ZC3H12D: variants seen among roughly 807,000 people sequenced by gnomAD.
The protein encoded by ZC3H12D is probable ribonuclease ZC3H12D.
In ZC3H12D, 11 loss-of-function variants were observed where a neutral mutation model predicts 24.2. The ratio of observed to expected loss-of-function variants is 0.46; its 90% CI spans 0.29 to 0.75. The LOEUF (loss-of-function observed/expected upper bound fraction) is 0.75, where lower values mean the gene tolerates loss of function less well. Ranked by LOEUF, ZC3H12D falls within the 30% of genes least tolerant of loss-of-function variation. The probability of loss-of-function intolerance (pLI) is 0.11; values close to 1 mark genes in which losing one functional copy is unlikely to be tolerated. For synonymous variants in ZC3H12D, 333 were observed against 341.8 expected, an observed-to-expected ratio of 0.97 and a Z score of 0.28; for missense variants, 740 against 767.7, an observed-to-expected ratio of 0.96 and a Z score of 0.43.
intron 2 of ZC3H12D, among the ~76,000 whole-genome samples, chr6:149,470,591 C>A (rs938124790): frequency 6.6e-6 from 1 of 151,854 alleles, no homozygotes; most frequent in African/African-American, 2.4e-5. Context: ...TGTAAAATAA[C>A]CACCTTGAAT....
chr6:149,465,686 T>C (rs385657), intron 2 of ZC3H12D, among the ~76,000 whole-genome samples: 54,768 of 145,266 alleles, frequency 0.38, 10,513 homozygotes, highest in African/African-American at 0.47. Context: ...ACCTGGGAGG[T>C]GGAGGTCACA....
intron 1 of ZC3H12D, chr6:149,483,238 A>G (rs1583195334): frequency 6.6e-6 from 1 of 152,164 alleles, no homozygotes; most frequent in East Asian, 1.9e-4. Flanking sequence ...AGAGGCAAAG[A>G]CGGTAGTTCA....
At chr6:149,482,459 T>A (rs1776442022) in intron 1 of ZC3H12D, among the ~76,000 whole-genome samples, 1 of 152,084 alleles carries the variant, frequency 6.6e-6, no homozygotes, top group East Asian at 1.9e-4. Flanking sequence ...CGACAACACT[T>A]AGAAAATCCT....
chr6:149,470,599 A>T (rs940404136), intron 2 of ZC3H12D, among the ~76,000 whole-genome samples: 4 of 152,192 alleles, frequency 2.6e-5, no homozygotes, highest in Admixed American at 6.5e-5. Context: ...AACCACCTTG[A>T]ATCCTCACCC....
intron 3 of ZC3H12D, among the ~76,000 whole-genome samples, chr6:149,457,155 G>A (rs558135350): frequency 6.6e-6 from 1 of 152,348 alleles, no homozygotes; most frequent in East Asian, 1.9e-4. Context: ...TCCAGAAAGC[G>A]ATACTCTACA....
chr6:149,478,718 A>C (rs1181324325), intron 1 of ZC3H12D, among the ~76,000 whole-genome samples: 1 of 152,122 alleles, frequency 6.6e-6, no homozygotes, highest in Non-Finnish European at 1.5e-5. Flanking sequence ...GCCCCAGTAC[A>C]GAACATCCAG....
At position 149,451,049 on chromosome 6, in the gene ZC3H12D, C is replaced by A. The variant is rs776487964; in HGVS notation, c.1218G>T (p.Pro406=). The A allele has an allele frequency of 1.4e-6, 2 of 1,418,170 alleles. No homozygotes were observed. Among genetic ancestry groups the A allele is most frequent in the South Asian group, 1.6e-5 (1 of 64,126 alleles). 87.8% of individuals were successfully genotyped at this position (1,418,170 alleles called of 1,614,324 possible). A position where few individuals can be genotyped will look rare whatever the true frequency, so the allele number is the denominator to read the frequency against. The change falls in exon 6 of 6, where the codon CCG becomes CCT. Residue 406 remains proline, a synonymous_variant. Transcript: ENST00000409806. ...SQFSPGDLPP[P]PGLQLQPRGE... ...CCCGCGGCTGGAGCTGCAGGCCGGG[C>A]GGAGGCGGGAGGTCGCCCGGGGAGA...
chr6:149,458,634 G>A (rs1462012383), intron 3 of ZC3H12D, among the ~76,000 whole-genome samples: 1 of 152,204 alleles, frequency 6.6e-6, no homozygotes. Context: ...ATCTCCAAGA[G>A]TGAATATGGC....
At chr6:149,459,384 C>T in intron 3 of ZC3H12D, 1 of 554,782 alleles carries the variant, frequency 1.8e-6, no homozygotes, top group Non-Finnish European at 3.2e-6. Flanking sequence ...GATCTATAAT[C>T]ATGTTAAAAG....
chr6:149,452,766 TG>T lies in ZC3H12D; in HGVS notation c.681-45del. 1 of 1,522,310 alleles carries T rather than the reference TG, an allele frequency of 6.6e-7. No individual in the cohort carries two copies. Among genetic ancestry groups the T allele is most frequent in the South Asian group, 1.2e-5 (1 of 84,154 alleles). The allele number at this position is 1,522,310 out of a possible 1,614,324, so 94.3% of individuals were successfully genotyped here. A position where few individuals can be genotyped will look rare whatever the true frequency, so the allele number is the denominator to read the frequency against. ...GGCAACTGCAAGACCACCTGGGATTTGCCACCAGCACCTGTACAAAGGGAGC... is the reference window on the plus strand; with the variant it reads ...GGCAACTGCAAGACCACCTGGGATTTCCACCAGCACCTGTACAAAGGGAGC... On this transcript the variant is annotated intron_variant, in intron 4 of 5. Coordinates refer to ENST00000409806, the MANE Select transcript of ZC3H12D (RefSeq NM_207360.3). The surrounding 1 kb of genome is among the most constrained non-coding windows in gnomAD (Gnocchi z 4.0).
At chr6:149,464,165 G>T (rs559333068) in intron 2 of ZC3H12D, among the ~76,000 whole-genome samples, 1 of 152,318 alleles carries the variant, frequency 6.6e-6, no homozygotes, top group Admixed American at 6.5e-5. Context: ...TATAGGTAGA[G>T]GGGGGCAATA....
Position 149,474,631 on chromosome 6 carries a change from G to T in ZC3H12D, c.-70-18C>A. 1 of 1,250,236 alleles carries T rather than the reference G, an allele frequency of 8.0e-7. No individual in the cohort carries two copies. The highest frequency in any genetic ancestry group is 1.0e-6 in the Non-Finnish European group (1 of 955,330). 77.4% of individuals were successfully genotyped at this position (1,250,236 alleles called of 1,614,324 possible). On this transcript the variant is annotated intron_variant, in intron 1 of 5. Coordinates refer to ENST00000409806, the MANE Select transcript of ZC3H12D (RefSeq NM_207360.3). ...GACATGAGCTAAAGAGAAAAAAAAT[G>T]CATCCATCAGGTGTTTCCTGGGCAG...
At chr6:149,477,898 G>A (rs902983575) in intron 1 of ZC3H12D, among the ~76,000 whole-genome samples, 10 of 152,090 alleles carry the variant, frequency 6.6e-5, no homozygotes, top group African/African-American at 2.2e-4. Flanking sequence ...GGCCGGGCAC[G>A]GGGCTCATGC....
chr6:149,453,639 A>G (rs766852815), intron 4 of ZC3H12D, among the ~76,000 whole-genome samples: 3 of 152,144 alleles, frequency 2.0e-5, no homozygotes. Context: ...AAAAAAAAAG[A>G]ACTTCCCAGG....
rs1384470670 is a variant in ZC3H12D at position 149,474,628 on chromosome 6, A to T, written c.-70-15T>A. On this transcript the variant is annotated splice_polypyrimidine_tract_variant and intron_variant, in intron 1 of 5. Coordinates refer to ENST00000409806, the MANE Select transcript of ZC3H12D (RefSeq NM_207360.3). ...GCAGACATGAGCTAAAGAGAAAAAA[A>T]ATGCATCCATCAGGTGTTTCCTGGG... is the stretch of plus-strand genomic sequence containing the variant. 3 of 1,275,724 alleles carry T rather than the reference A, an allele frequency of 2.4e-6. No homozygotes were observed. In the East Asian group the frequency reaches 8.2e-5, roughly 35 times the overall value. 79.0% of individuals were successfully genotyped at this position (1,275,724 alleles called of 1,614,324 possible).
At chr6:149,461,072 G>A (rs1049822243) in intron 3 of ZC3H12D, among the ~76,000 whole-genome samples, 23 of 152,142 alleles carry the variant, frequency 1.5e-4, no homozygotes, top group African/African-American at 5.1e-4. Context: ...GCTGGGTGAG[G>A]TGGCTCTCGC....
chr6:149,466,765 A>C (rs1400637387), intron 2 of ZC3H12D, among the ~76,000 whole-genome samples: 3 of 152,118 alleles, frequency 2.0e-5, no homozygotes, highest in Non-Finnish European at 4.4e-5. Context: ...AATCCCAGTT[A>C]CACAGGAGGC....
Position 149,451,457 on chromosome 6 carries a change from G to T in ZC3H12D, c.810C>A (p.Ile270=). The T allele has an allele frequency of 6.3e-7, 1 of 1,575,702 alleles. No homozygotes were observed. Residue 270 remains isoleucine (I), a synonymous_variant, in exon 6 of 6, where the codon ATC becomes ATA. Transcript: ENST00000409806. ...CPYGKKCTYG[I]KCKFYHPERP... The stretch of plus-strand genomic sequence containing the variant: ...TCTCCGGGTGGTAGAACTTGCACTT[G>T]ATGCCATAGGTGCATTTCTTGCCTG...
intron 2 of ZC3H12D, among the ~76,000 whole-genome samples, chr6:149,467,483 G>A (rs1490986056): frequency 6.6e-6 from 1 of 152,054 alleles, no homozygotes; most frequent in Non-Finnish European, 1.5e-5. Flanking sequence ...TGAACTCCTG[G>A]CCCCAGGTGA....
Sources: gnomAD v4.1 joint callset for allele counts (sites outside exome capture counted in the v4.1 genomes callset) on GRCh38, gnomAD v4.1.1 for gene constraint, Gnocchi (gnomAD v3.1) non-coding constraint, MANE v1.5 for transcripts, NCBI Gene and HGNC (gene_info 2026-07-23, HGNC 2026-07-21) for gene names.